The following MRPL49 variants were observed in gnomAD, a reference collection of about 807,000 sequenced individuals.
MRPL49 encodes mitochondrial ribosomal protein L49, also known as large ribosomal subunit protein mL49.
MRPL49 carries 14 observed loss-of-function variants against 18.4 expected under a neutral mutation model. The ratio of observed to expected loss-of-function variants is 0.76; its 90% CI spans 0.50 to 1.19. MRPL49 has a LOEUF of 1.19. Among genes scored for constraint, MRPL49 ranks in the 50% most tolerant of loss-of-function variants. The pLI is 0.00. For missense variants in MRPL49, 190 were observed against 217.8 expected, an observed-to-expected ratio of 0.87 and a Z score of 0.80; for synonymous variants, 104 against 86.2, an observed-to-expected ratio of 1.21 and a Z score of -1.14.
chr11:65,125,946 G>C lies in MRPL49; in HGVS notation c.*74G>C. The C allele has an allele frequency of 1.3e-6, 2 of 1,515,612 alleles. No homozygotes were observed. The highest frequency in any genetic ancestry group is 1.8e-6 in the Non-Finnish European group (2 of 1,127,312). The allele number at this position is 1,515,612 out of a possible 1,614,324, so 93.9% of individuals were successfully genotyped here. A position where few individuals can be genotyped will look rare whatever the true frequency, so the allele number is the denominator to read the frequency against. On this transcript the variant is annotated 3_prime_UTR_variant, in exon 4 of 4. Transcript: ENST00000279242. ...AGGGGGCCTCAGGAGGAGGGAGGTGGGTGTTGGAGCCCCTGAGACAGGGGA... is the reference window on the plus strand; with the variant it reads ...AGGGGGCCTCAGGAGGAGGGAGGTGCGTGTTGGAGCCCCTGAGACAGGGGA...
chr11:65,126,851 C>T lies in MRPL49; in HGVS notation c.*979C>T, dbSNP rs1046951756. 1 of 580,830 alleles carries T rather than the reference C, an allele frequency of 1.7e-6. No individual in the cohort carries two copies. Among genetic ancestry groups the T allele is most frequent in the Admixed American group, 3.2e-5 (1 of 31,470 alleles). The allele number at this position is 580,830 out of a possible 1,614,324, so 36.0% of individuals were successfully genotyped here. Reference sequence around the variant, plus strand: ...AACTCACAGCCAGCATAGGGACATCCCCCTGCAGCCTTCTGACCTGCAATC... The same window carrying T: ...AACTCACAGCCAGCATAGGGACATCTCCCTGCAGCCTTCTGACCTGCAATC... On this transcript the variant is annotated 3_prime_UTR_variant, in exon 4 of 4. Coordinates refer to ENST00000279242, the MANE Select transcript of MRPL49 (RefSeq NM_004927.4).
intron 2 of MRPL49, chr11:65,125,104 A>G: frequency 3.2e-6 from 1 of 315,336 alleles, no homozygotes; most frequent in South Asian, 3.8e-5. Flanking sequence ...CTTAGTGCAG[A>G]GCCCAGCATA....
chr11:65,124,805 G>A lies in MRPL49; in HGVS notation c.229+153G>A, dbSNP rs1232487197. On this transcript the variant is annotated intron_variant, in intron 2 of 3. Transcript: ENST00000279242. Reference sequence around the variant, plus strand: ...TTACATCTGTCTCATGCCCAAGGAAGAGCCGAGGAGTGGAGCCTTCTGTTG... The same window carrying A: ...TTACATCTGTCTCATGCCCAAGGAAAAGCCGAGGAGTGGAGCCTTCTGTTG... 8.9e-6 allele frequency: 7 copies of A among 784,234 alleles called. No homozygotes were observed. In the Admixed American group the frequency reaches 1.3e-4, roughly 15 times the overall value. 48.6% of individuals were successfully genotyped at this position (784,234 alleles called of 1,614,324 possible).
chr11:65,124,833 C>T, intron 2 of MRPL49, 181 bp downstream of exon 2: 2 of 607,754 alleles, frequency 3.3e-6, no homozygotes, highest in East Asian at 2.9e-5. Context: ...TTCTGTTGTT[C>T]ACTGGTACTC....
In MRPL49 at chr11:65,126,452, T is replaced by C. The variant is rs1948103208; in HGVS notation, c.*580T>C. 3.9e-5 allele frequency: 6 copies of C among 153,914 alleles called. No individual in the cohort carries two copies. The highest frequency in any genetic ancestry group is 3.9e-4 in the Admixed American group (6 of 15,464). The allele number at this position is 153,914 out of a possible 1,614,324, so 9.5% of individuals were successfully genotyped here. On this transcript the variant is annotated 3_prime_UTR_variant, in exon 4 of 4. Transcript: ENST00000279242. ...CCTGGTCCACCTTGGCCTGTTTTGT[T>C]TTTCTTTCCTTGGGCTCAGCAATTC...
In MRPL49 at chr11:65,127,109, T is replaced by C. The variant is rs997848179; in HGVS notation, c.*1237T>C. 1.4e-6 allele frequency: 1 copy of C among 694,234 alleles called. No individual in the cohort carries two copies. Among genetic ancestry groups the C allele is most frequent in the Non-Finnish European group, 2.6e-6 (1 of 381,774 alleles). The allele number at this position is 694,234 out of a possible 1,614,324, so 43.0% of individuals were successfully genotyped here. ...GAACTCTGGGCTGCTTCTCTGTGTG[T>C]AAAATGGGCACATCTTCCTAATCTG... On this transcript the variant is annotated 3_prime_UTR_variant, in exon 4 of 4. Transcript: ENST00000279242.
intron 1 of MRPL49, 108 bp downstream of exon 1, chr11:65,122,532 G>C: frequency 2.8e-6 from 3 of 1,063,028 alleles, no homozygotes; most frequent in Non-Finnish European, 4.1e-6. Context: ...CCTTAGTTTT[G>C]CCGTTTTCGA....
At chr11:65,122,559 C>G in intron 1 of MRPL49, 135 bp downstream of exon 1, 1 of 762,972 alleles carries the variant, frequency 1.3e-6, no homozygotes. Flanking sequence ...GAACTTGTCC[C>G]GAGTGTACAT....
At chr11:65,122,511 C>T in intron 1 of MRPL49, 87 bp downstream of exon 1, 1 of 1,283,572 alleles carries the variant, frequency 7.8e-7, no homozygotes, top group Non-Finnish European at 1.1e-6. Flanking sequence ...CTAAGGCATT[C>T]CTACTTGGGG....
rs1236784073 is a variant in MRPL49, at chr11:65,126,998, T to C, written c.*1126T>C. 1.5e-6 allele frequency: 1 copy of C among 689,172 alleles called. No homozygotes were observed. The highest frequency in any genetic ancestry group is 2.6e-6 in the Non-Finnish European group (1 of 379,390). 42.7% of individuals were successfully genotyped at this position (689,172 alleles called of 1,614,324 possible). ...CTTGGAGTCACAGGGGCCAAAGGCCTGAGACCCCACCCTGCCCCCAAACTG... is the reference window on the plus strand; with the variant it reads ...CTTGGAGTCACAGGGGCCAAAGGCCCGAGACCCCACCCTGCCCCCAAACTG... On this transcript the variant is annotated 3_prime_UTR_variant, in exon 4 of 4. Transcript: ENST00000279242.
Position 65,127,063 on chromosome 11 carries a change from T to C in MRPL49, c.*1191T>C. The C allele has an allele frequency of 1.4e-6, 1 of 702,434 alleles. No homozygotes were observed. Among genetic ancestry groups the C allele is most frequent in the Non-Finnish European group, 2.6e-6 (1 of 384,948 alleles). The allele number at this position is 702,434 out of a possible 1,614,324, so 43.5% of individuals were successfully genotyped here. ...CAGTTCCTGACTCCCCAACTTGGTC[T>C]CTGCCCTGAAGCAGGGCACTGAACT... On this transcript the variant is annotated 3_prime_UTR_variant, in exon 4 of 4. Transcript: ENST00000279242.
chr11:65,125,792 A>C lies in MRPL49; in HGVS notation c.421A>C (p.Asn141His). ...GGGGAAGACACCTGTCACCCAGGTC[A>C]ATGAGGTGACAGGTACCCTACGGAT... ...LLGKTPVTQV[N>H]EVTGTLRIKG... The change falls in exon 4 of 4, where the codon AAT (asparagine) becomes CAT (histidine). Residue 141 changes from asparagine to histidine, a missense_variant. Coordinates refer to ENST00000279242, the MANE Select transcript of MRPL49 (RefSeq NM_004927.4). The C allele has an allele frequency of 6.2e-7, 1 of 1,613,312 alleles. No homozygotes were observed. Among genetic ancestry groups the C allele is most frequent in the Non-Finnish European group, 8.5e-7 (1 of 1,179,984 alleles).
At chr11:65,124,911 A>G (rs1948085971) in intron 2 of MRPL49, 2 of 394,174 alleles carry the variant, frequency 5.1e-6, no homozygotes, top group Non-Finnish European at 9.0e-6. Flanking sequence ...GAGAAAACCC[A>G]AGAGCTTGGA....
rs779592604 is a variant in MRPL49 at position 65,125,713 on chromosome 11, C to T, written c.355-13C>T. The T allele has an allele frequency of 1.2e-6, 2 of 1,613,510 alleles. No homozygotes were observed. The highest frequency in any genetic ancestry group is 1.7e-4 in the Middle Eastern group (1 of 6,002). ...GGACTCTTGGCCTGACCTGATTTGT[C>T]ATCTTTCCCCAGGCCCTGCAGAAAG... On this transcript the variant is annotated splice_polypyrimidine_tract_variant and intron_variant, in intron 3 of 3. Transcript: ENST00000279242.
chr11:65,123,817 G>T (rs989453776), intron 1 of MRPL49, among the ~76,000 whole-genome samples: 4 of 152,216 alleles, frequency 2.6e-5, no homozygotes, highest in Admixed American at 6.5e-5. Context: ...CTACAAGGAT[G>T]AATAACATGG....
At chr11:65,123,710 G>T (rs1165690877) in intron 1 of MRPL49, among the ~76,000 whole-genome samples, 1 of 151,988 alleles carries the variant, frequency 6.6e-6, no homozygotes, top group African/African-American at 2.4e-5. Context: ...CTCCAGCCTA[G>T]GTGACAGAGT....
intron 1 of MRPL49, among the ~76,000 whole-genome samples, chr11:65,124,101 T>G (rs2137223546): frequency 6.6e-6 from 1 of 152,294 alleles, no homozygotes; most frequent in East Asian, 1.9e-4. Context: ...TTGGCCAGGC[T>G]GGTGTTGAAC....
At chr11:65,122,274 G>C (rs1217740407), upstream of MRPL49, 7 of 1,546,610 alleles carry the variant, frequency 4.5e-6, no homozygotes, top group East Asian at 1.4e-4. Context: ...GAACCTGCCT[G>C]GGCAGGCAGC....
Position 65,125,332 on chromosome 11 carries a change from A to G in MRPL49, c.230-156A>G. On this transcript the variant is annotated intron_variant, in intron 2 of 3. Transcript: ENST00000279242. ...GGGTGAACAATTTGGTCCTGACTCC[A>G]AGCTGAAGGAAAGAGGAGACCCCCT... The G allele has an allele frequency of 3.3e-6, 3 of 907,888 alleles. No homozygotes were observed. In the South Asian group the frequency reaches 5.0e-5, roughly 15 times the overall value. The allele number at this position is 907,888 out of a possible 1,614,324, so 56.2% of individuals were successfully genotyped here.
Sources: gnomAD v4.1 joint callset for allele counts (sites outside exome capture counted in the v4.1 genomes callset) on GRCh38, gnomAD v4.1.1 for gene constraint, MANE v1.5 for transcripts, NCBI Gene and HGNC (gene_info 2026-07-23, HGNC 2026-07-21) for gene names.